Variants in NOP58 observed in about 807,000 individuals in gnomAD.
NOP58 encodes NOP58 ribonucleoprotein.
A neutral mutation model predicts 71.2 loss-of-function variants in NOP58; 44 were observed. The observed-to-expected ratio is 0.62, with a 90% confidence interval of 0.49 to 0.79. The LOEUF (loss-of-function observed/expected upper bound fraction) is 0.79, where lower values mean the gene tolerates loss of function less well. Among genes scored for constraint, NOP58 ranks in the 30% least tolerant of loss-of-function variants. The pLI is 0.00. For synonymous variants in NOP58, 228 were observed against 200.3 expected, an observed-to-expected ratio of 1.14 and a Z score of -1.17; for missense variants, 538 against 620.2, an observed-to-expected ratio of 0.87 and a Z score of 1.41.
At chr2:202,292,666 C>A (rs1475856056) in intron 8 of NOP58, 111 bp from the exon 9 acceptor site, 1 of 827,574 alleles carries the variant, frequency 1.2e-6, no homozygotes, top group Non-Finnish European at 2.0e-6. Context: ...ACCCAGTACC[C>A]AGGGTTGTGT....
At chr2:202,287,897 G>A (rs1346519292) in intron 6 of NOP58, among the ~76,000 whole-genome samples, 173 bp downstream of exon 6, 1 of 151,822 alleles carries the variant, frequency 6.6e-6, no homozygotes, top group Non-Finnish European at 1.5e-5. Flanking sequence ...GATCACCTGA[G>A]GTCAGGAGTT....
chr2:202,298,620 C>T (rs1403440790), intron 12 of NOP58, among the ~76,000 whole-genome samples: 1 of 152,114 alleles, frequency 6.6e-6, no homozygotes, highest in South Asian at 2.1e-4. Flanking sequence ...GCAACAAGAG[C>T]AAAACTCCGT....
chr2:202,296,582 T>C (rs1224086993), intron 10 of NOP58, among the ~76,000 whole-genome samples: 1 of 152,220 alleles, frequency 6.6e-6, no homozygotes, highest in Non-Finnish European at 1.5e-5. Flanking sequence ...TTAAGTACTT[T>C]CAATGTTTTT....
chr2:202,276,392 CCTT>C, intron 2 of NOP58: 1 of 408,884 alleles, frequency 2.4e-6, no homozygotes, highest in Non-Finnish European at 5.1e-6. Flanking sequence ...GACTAGTTTT[CCTT>C]CTTAAAGGGT....
At position 202,295,770 on chromosome 2, in the gene NOP58, C is replaced by T; in HGVS notation, c.1004C>T (p.Thr335Ile). 1 of 1,611,634 alleles carries T rather than the reference C, an allele frequency of 6.2e-7. No homozygotes were observed. The highest frequency in any genetic ancestry group is 8.5e-7 in the Non-Finnish European group (1 of 1,179,048). Residue 335 changes from threonine (T) to isoleucine (I), a missense_variant, in exon 10 of 15, where the codon ACC becomes ATC. Transcript: ENST00000264279. ...LFRALKSRRD[T>I]PKYGLIYHAS... ...AGAGCCCTCAAATCTAGACGGGATA[C>T]CCCTAAGTATGGTCTCATTTATCAT...
intron 9 of NOP58, among the ~76,000 whole-genome samples, chr2:202,293,585 C>G (rs1395788348): frequency 6.6e-6 from 1 of 152,080 alleles, no homozygotes; most frequent in East Asian, 1.9e-4. Flanking sequence ...TGGCATAACT[C>G]CTTTTTTTTT....
At chr2:202,287,782 CT>C in intron 6 of NOP58, 58 bp downstream of exon 6, 1 of 1,199,614 alleles carries the variant, frequency 8.3e-7, no homozygotes, top group Admixed American at 1.7e-5. Flanking sequence ...CGTTTTCATA[CT>C]GTTGAAACTA....
intron 10 of NOP58, among the ~76,000 whole-genome samples, chr2:202,296,280 C>T (rs1234418233): frequency 6.6e-6 from 1 of 152,126 alleles, no homozygotes; most frequent in East Asian, 1.9e-4. Context: ...ACTGCAACCT[C>T]CAGCTCCCTG....
chr2:202,300,469 C>G, intron 13 of NOP58, 102 bp downstream of exon 13: 1 of 922,782 alleles, frequency 1.1e-6, no homozygotes, highest in Non-Finnish European at 1.6e-6. Flanking sequence ...TATTATAAAA[C>G]TGCTCATTGA....
At chr2:202,281,098 T>C (rs1386088582) in intron 3 of NOP58, among the ~76,000 whole-genome samples, 1 of 152,016 alleles carries the variant, frequency 6.6e-6, no homozygotes, top group African/African-American at 2.4e-5. Flanking sequence ...TTGATAGACC[T>C]TCATTCCTGC....
In NOP58 at chr2:202,303,374, G is replaced by A; in HGVS notation, c.1540-12G>A. 1 of 1,611,600 alleles carries A rather than the reference G, an allele frequency of 6.2e-7. No individual in the cohort carries two copies. Among genetic ancestry groups the A allele is most frequent in the Non-Finnish European group, 8.5e-7 (1 of 1,178,852 alleles). On this transcript the variant is annotated splice_polypyrimidine_tract_variant and intron_variant, in intron 14 of 14. Transcript: ENST00000264279. ...TCAGCTCTTTCAAAGCATTCTTGTT[G>A]GCTATTTTCAGAGTCCAGAGAAAAA...
rs187699547 is a variant in NOP58 at position 202,291,573 on chromosome 2, G to T, written c.780+303G>T. On this transcript the variant is annotated intron_variant, in intron 8 of 14. Transcript: ENST00000264279. ...TGTAATCCCCGCACTTTGGAAGGCCGAGTCAGGGATTGACCTGAGGTCAGG... is the reference window on the plus strand; with the variant it reads ...TGTAATCCCCGCACTTTGGAAGGCCTAGTCAGGGATTGACCTGAGGTCAGG... Among the ~76,000 whole-genome samples, 7 of 152,182 alleles carry T rather than the reference G, an allele frequency of 4.6e-5. No homozygotes were observed. The East Asian group carries it at 1.4e-3, about 29-fold the overall frequency.
intron 4 of NOP58, among the ~76,000 whole-genome samples, chr2:202,283,845 A>G (rs530599593): frequency 1.3e-5 from 2 of 152,350 alleles, no homozygotes; most frequent in African/African-American, 2.4e-5. Context: ...TAATTTATAT[A>G]GCCAAGCTGT....
Position 202,291,257 on chromosome 2 carries a change from A to C in NOP58, c.767A>C (p.His256Pro), listed in dbSNP as rs1313072767. 1 of 1,605,936 alleles carries C rather than the reference A, an allele frequency of 6.2e-7. No individual in the cohort carries two copies. Among genetic ancestry groups the C allele is most frequent in the Non-Finnish European group, 8.5e-7 (1 of 1,177,788 alleles). Reference sequence around the variant, plus strand: ...GAAGAAGATATTTGCAATATTCTGCATCTTTGCACCCAGGTAAATTTTACT... The same window carrying C: ...GAAGAAGATATTTGCAATATTCTGCCTCTTTGCACCCAGGTAAATTTTACT... ...VSEEDICNIL[H>P]LCTQVIEISE... Residue 256 changes from histidine to proline, a missense_variant, in exon 8 of 15, where the codon CAT becomes CCT. Coordinates refer to ENST00000264279, the MANE Select transcript of NOP58 (RefSeq NM_015934.5).
At chr2:202,294,101 G>T (rs1187668734) in intron 9 of NOP58, among the ~76,000 whole-genome samples, 1 of 151,410 alleles carries the variant, frequency 6.6e-6, no homozygotes, top group Admixed American at 6.6e-5. Flanking sequence ...GGTCACCTGA[G>T]GTCAGGAGTT....
chr2:202,303,006 T>C lies in NOP58; in HGVS notation c.1488T>C (p.Ile496=). The C allele has an allele frequency of 6.2e-7, 1 of 1,612,950 alleles. No homozygotes were observed. The highest frequency in any genetic ancestry group is 8.5e-7 in the Non-Finnish European group (1 of 1,179,874). ...KKKKRGKKKH[I]KEEPLSEEEP... is the part of the protein sequence containing the mutation. Reference sequence around the variant, plus strand: ...AGAAAAGGGGTAAAAAGAAACACATTAAGGAAGAACCACTTTCTGAGGAAG... The same window carrying C: ...AGAAAAGGGGTAAAAAGAAACACATCAAGGAAGAACCACTTTCTGAGGAAG... Residue 496 remains isoleucine, a synonymous_variant, in exon 14 of 15, where the codon ATT becomes ATC. Transcript: ENST00000264279.
intron 3 of NOP58, among the ~76,000 whole-genome samples, 159 bp from the exon 4 acceptor site, chr2:202,282,192 A>T (rs555935128): frequency 1.6e-4 from 25 of 152,356 alleles, no homozygotes; most frequent in Admixed American, 1.4e-3. Flanking sequence ...AAATTGTGAA[A>T]CATGTAACTT....
At chr2:202,290,128 G>A (rs1688860877) in intron 6 of NOP58, among the ~76,000 whole-genome samples, 195 bp from the exon 7 acceptor site, 1 of 151,906 alleles carries the variant, frequency 6.6e-6, no homozygotes, top group Admixed American at 6.6e-5. Context: ...GCTAATTTTT[G>A]TATTTTTAAT....
intron 1 of NOP58, among the ~76,000 whole-genome samples, chr2:202,272,687 C>A (rs966192922): frequency 6.6e-6 from 1 of 152,118 alleles, no homozygotes; most frequent in African/African-American, 2.4e-5. Context: ...TGAAATTGTT[C>A]AGAGAATGCA....
Sources: allele counts gnomAD v4.1 joint callset (sites outside exome capture counted in the v4.1 genomes callset), GRCh38; gene constraint gnomAD v4.1.1; transcripts MANE v1.5; gene names NCBI Gene and HGNC (gene_info 2026-07-23, HGNC 2026-07-21).